ATRNL1: variants seen among roughly 807,000 people sequenced by gnomAD.
ATRNL1 encodes attractin-like protein 1.
ATRNL1 carries 95 observed loss-of-function variants against 182.7 expected under a neutral mutation model. The ratio of observed to expected loss-of-function variants is 0.52; its 90% CI spans 0.44 to 0.62. The LOEUF is 0.62. Ranked by LOEUF, ATRNL1 falls within the 20% of genes least tolerant of loss-of-function variation. The probability of loss-of-function intolerance (pLI) is 0.00; values close to 1 mark genes in which losing one functional copy is unlikely to be tolerated. For synonymous variants in ATRNL1, 576 were observed against 568.3 expected, an observed-to-expected ratio of 1.01 and a Z score of -0.19; for missense variants, 1,471 against 1,679.5, an observed-to-expected ratio of 0.88 and a Z score of 2.17.
intron 8 of ATRNL1, among the ~76,000 whole-genome samples, chr10:115,204,027 G>C (rs1287873805): frequency 6.6e-6 from 1 of 151,830 alleles, no homozygotes; most frequent in Non-Finnish European, 1.5e-5. Context: ...TATAATCCTT[G>C]CTTATTTTTG....
chr10:115,527,356 A>T (rs1325964141), intron 25 of ATRNL1, among the ~76,000 whole-genome samples: 1 of 151,954 alleles, frequency 6.6e-6, no homozygotes, highest in Admixed American at 6.6e-5. Flanking sequence ...CCTGAGCTCA[A>T]GTGATCCGCT....
intron 18 of ATRNL1, among the ~76,000 whole-genome samples, chr10:115,332,417 A>G (rs782535602): frequency 1.3e-5 from 2 of 151,762 alleles, no homozygotes; most frequent in Non-Finnish European, 1.5e-5. Context: ...TGTTGGAGAA[A>G]CCTATTTTGC....
chr10:115,289,641 G>T (rs1456765072), intron 15 of ATRNL1, among the ~76,000 whole-genome samples: 2 of 152,036 alleles, frequency 1.3e-5, no homozygotes, highest in Non-Finnish European at 2.9e-5. Context: ...TGAAGAGATT[G>T]TCCTTTCCCC....
chr10:115,548,002 G>C (rs1852763484), intron 25 of ATRNL1, among the ~76,000 whole-genome samples: 1 of 152,190 alleles, frequency 6.6e-6, no homozygotes, highest in Non-Finnish European at 1.5e-5. Context: ...TGGAAACAGA[G>C]TGATTATGGG....
intron 28 of ATRNL1, among the ~76,000 whole-genome samples, chr10:115,918,908 C>A (rs1205393369): frequency 6.6e-6 from 1 of 152,162 alleles, no homozygotes; most frequent in Non-Finnish European, 1.5e-5. Context: ...TCTGCAAATT[C>A]TTTCACATTA....
At chr10:115,480,985 G>A (rs1848736231) in intron 24 of ATRNL1, among the ~76,000 whole-genome samples, 1 of 150,634 alleles carries the variant, frequency 6.6e-6, no homozygotes, top group African/African-American at 2.4e-5. Flanking sequence ...ATAAATTTGA[G>A]TAAAGAAGAT....
intron 27 of ATRNL1, among the ~76,000 whole-genome samples, chr10:115,766,472 A>G (rs1427760002): frequency 6.6e-6 from 1 of 152,224 alleles, no homozygotes. Context: ...ACAATTATGA[A>G]AATATCTCCC....
intron 28 of ATRNL1, among the ~76,000 whole-genome samples, chr10:115,894,602 A>T (rs1327143057): frequency 6.6e-6 from 1 of 152,218 alleles, no homozygotes; most frequent in Non-Finnish European, 1.5e-5. Context: ...TTGCATTCTT[A>T]TAAAGATCTA....
chr10:115,433,488 A>G (rs1008192155), intron 21 of ATRNL1, among the ~76,000 whole-genome samples: 2 of 152,176 alleles, frequency 1.3e-5, no homozygotes, highest in Non-Finnish European at 2.9e-5. Context: ...ATAAACACCA[A>G]TAATCTAAAT....
chr10:115,233,855 T>C (rs942423067), intron 9 of ATRNL1, among the ~76,000 whole-genome samples: 1 of 152,096 alleles, frequency 6.6e-6, no homozygotes, highest in African/African-American at 2.4e-5. Flanking sequence ...TTAGTCATAA[T>C]GTATTATGTG....
chr10:115,944,443 C>G (rs1477074130), intron 28 of ATRNL1, among the ~76,000 whole-genome samples: 1 of 152,140 alleles, frequency 6.6e-6, no homozygotes, highest in East Asian at 1.9e-4. Context: ...AGTCAGTTAA[C>G]TTTCTTAGAT....
intron 24 of ATRNL1, among the ~76,000 whole-genome samples, chr10:115,478,553 T>A (rs533918479): frequency 4.0e-5 from 6 of 151,848 alleles, no homozygotes; most frequent in South Asian, 4.2e-4. Flanking sequence ...TCTGTTATAA[T>A]GGAGACTGAT....
chr10:115,941,295 C>A (rs1953723669), intron 28 of ATRNL1, among the ~76,000 whole-genome samples: 1 of 152,166 alleles, frequency 6.6e-6, no homozygotes, highest in Admixed American at 6.5e-5. Context: ...TGATTTTCAA[C>A]TGAATGTGTT....
intron 14 of ATRNL1, among the ~76,000 whole-genome samples, chr10:115,282,030 T>C (rs1214810035): frequency 2.1e-5 from 3 of 144,666 alleles, no homozygotes; most frequent in African/African-American, 7.6e-5. Flanking sequence ...ATATTAACAA[T>C]AAATACATAA....
At chr10:115,892,013 T>C (rs1305281453) in intron 28 of ATRNL1, among the ~76,000 whole-genome samples, 1 of 152,198 alleles carries the variant, frequency 6.6e-6, no homozygotes, top group Non-Finnish European at 1.5e-5. Flanking sequence ...TCATGATATC[T>C]GTGATCAAGA....
At chr10:115,322,623 C>T (rs369185826) in intron 18 of ATRNL1, among the ~76,000 whole-genome samples, 13 of 151,960 alleles carry the variant, frequency 8.6e-5, no homozygotes, top group African/African-American at 2.2e-4. Context: ...GTTGAACTAC[C>T]GTCTGGGTCA....
intron 27 of ATRNL1, among the ~76,000 whole-genome samples, chr10:115,781,102 G>A (rs1176802179): frequency 1.3e-5 from 2 of 152,112 alleles, no homozygotes; most frequent in South Asian, 2.1e-4. Context: ...ATATATAAAG[G>A]TGCTCGACTT....
At chr10:115,829,059 C>T (rs1462892667) in intron 27 of ATRNL1, among the ~76,000 whole-genome samples, 2 of 151,684 alleles carry the variant, frequency 1.3e-5, no homozygotes, top group Non-Finnish European at 2.9e-5. Flanking sequence ...TTTCAGTTTT[C>T]CTATCTGTAG....
chr10:115,271,166 A>ACACACACACG, intron 13 of ATRNL1, among the ~76,000 whole-genome samples: 1 of 17,196 alleles, frequency 5.8e-5, no homozygotes, highest in African/African-American at 1.5e-4. Flanking sequence ...CAAAGATATT[A>ACACACACACG]CACACACACA....
Sources: allele counts gnomAD v4.1 joint callset (sites outside exome capture counted in the v4.1 genomes callset), GRCh38; gene constraint gnomAD v4.1.1; transcripts MANE v1.5; gene names NCBI Gene and HGNC (gene_info 2026-07-23, HGNC 2026-07-21).